Variants in RGS7 observed in about 807,000 individuals in gnomAD.
RGS7 encodes regulator of G-protein signaling 7.
In RGS7, 27 loss-of-function variants were observed where a neutral mutation model predicts 81.1. The ratio of observed to expected loss-of-function variants is 0.33; its 90% CI spans 0.25 to 0.46. The LOEUF (loss-of-function observed/expected upper bound fraction) is 0.46, where lower values mean the gene tolerates loss of function less well. Ranked by LOEUF, RGS7 falls within the 20% of genes least tolerant of loss-of-function variation. The pLI is 1.00. For missense variants in RGS7, 396 were observed against 607.4 expected, an observed-to-expected ratio of 0.65 and a Z score of 3.66; for synonymous variants, 208 against 207.7, an observed-to-expected ratio of 1.00 and a Z score of -0.01.
chr1:241,063,875 C>T (rs149831268), intron 3 of RGS7, among the ~76,000 whole-genome samples: 2 of 152,218 alleles, frequency 1.3e-5, no homozygotes, highest in Non-Finnish European at 2.9e-5. Flanking sequence ...AAACTAACGA[C>T]ACTGCCACAT....
chr1:240,981,169 G>C (rs929864034), intron 4 of RGS7, among the ~76,000 whole-genome samples: 4 of 152,086 alleles, frequency 2.6e-5, no homozygotes, highest in Non-Finnish European at 4.4e-5. Flanking sequence ...GAGTGCAGTG[G>C]TGTGATTTTG....
intron 2 of RGS7, among the ~76,000 whole-genome samples, chr1:241,321,353 T>C (rs2081199320): frequency 6.6e-6 from 1 of 151,770 alleles, no homozygotes; most frequent in Non-Finnish European, 1.5e-5. Context: ...GCACAAGCAG[T>C]TTTTTTTATC....
chr1:241,180,149 CG>C (rs1205311825), intron 2 of RGS7, among the ~76,000 whole-genome samples: 7 of 151,986 alleles, frequency 4.6e-5, no homozygotes, highest in Non-Finnish European at 1.0e-4. Flanking sequence ...CCGAGGCAGG[CG>C]GATCACGAGG....
intron 2 of RGS7, among the ~76,000 whole-genome samples, chr1:241,204,171 CCATT>C (rs1222431558): frequency 6.6e-6 from 1 of 152,090 alleles, no homozygotes; most frequent in Non-Finnish European, 1.5e-5. Context: ...AGGGATGGAA[CCATT>C]TATGGTGAAA....
chr1:241,270,560 C>T (rs1411049771), intron 2 of RGS7, among the ~76,000 whole-genome samples: 2 of 152,178 alleles, frequency 1.3e-5, no homozygotes, highest in Non-Finnish European at 2.9e-5. Flanking sequence ...TTTTCTCCAT[C>T]CTGATGTCCT....
chr1:240,879,623 G>A (rs1253514318), intron 6 of RGS7, among the ~76,000 whole-genome samples: 1 of 152,168 alleles, frequency 6.6e-6, no homozygotes, highest in East Asian at 1.9e-4. Flanking sequence ...ACTGGAAAGT[G>A]ACAAAACTTG....
chr1:241,042,390 T>C (rs774614924), intron 3 of RGS7, among the ~76,000 whole-genome samples: 2 of 152,208 alleles, frequency 1.3e-5, no homozygotes, highest in Non-Finnish European at 2.9e-5. Context: ...CTTCCTATAA[T>C]TTATTTTGAT....
intron 2 of RGS7, among the ~76,000 whole-genome samples, chr1:241,161,923 G>A (rs2069722107): frequency 6.6e-6 from 1 of 151,924 alleles, no homozygotes; most frequent in African/African-American, 2.4e-5. Flanking sequence ...CATCACCTTG[G>A]TCAGGCTGGT....
chr1:241,119,013 C>T (rs935345416), intron 2 of RGS7, among the ~76,000 whole-genome samples: 10 of 152,014 alleles, frequency 6.6e-5, no homozygotes, highest in Admixed American at 3.9e-4. Flanking sequence ...AACAAACATG[C>T]ACATGCTCCC....
At chr1:241,172,316 G>A (rs989616210) in intron 2 of RGS7, among the ~76,000 whole-genome samples, 20 of 151,990 alleles carry the variant, frequency 1.3e-4, no homozygotes, top group African/African-American at 4.4e-4. Flanking sequence ...TGAACACACC[G>A]ACTTGGATGA....
At chr1:241,057,943 T>C (rs559053281) in intron 3 of RGS7, among the ~76,000 whole-genome samples, 9 of 152,246 alleles carry the variant, frequency 5.9e-5, no homozygotes, top group African/African-American at 9.6e-5. Flanking sequence ...AGTAGGTAGA[T>C]AGTCAGGCAT....
chr1:240,977,784 T>C (rs575955407), intron 4 of RGS7, among the ~76,000 whole-genome samples: 1 of 152,276 alleles, frequency 6.6e-6, no homozygotes, highest in East Asian at 1.9e-4. Flanking sequence ...CTGTAGTACA[T>C]CAACAGTACC....
intron 9 of RGS7, among the ~76,000 whole-genome samples, chr1:240,855,358 T>C (rs2147951553): frequency 7.1e-6 from 1 of 141,360 alleles, no homozygotes; most frequent in African/African-American, 2.7e-5. Context: ...GAAGAAATTA[T>C]CTAAATTTCT....
At chr1:240,958,222 T>C (rs920506930) in intron 4 of RGS7, among the ~76,000 whole-genome samples, 1 of 152,198 alleles carries the variant, frequency 6.6e-6, no homozygotes, top group Non-Finnish European at 1.5e-5. Flanking sequence ...AGTGGGAAAG[T>C]GGCAAAACAA....
At chr1:241,065,215 ATATAT>A (rs2061991603) in intron 3 of RGS7, among the ~76,000 whole-genome samples, 2 of 142,266 alleles carry the variant, frequency 1.4e-5, no homozygotes, top group African/African-American at 5.7e-5. Flanking sequence ...AGAGATATAT[ATATAT>A]TATCTTTTAA....
chr1:241,033,634 T>A (rs1273136662), intron 3 of RGS7, among the ~76,000 whole-genome samples: 3 of 152,120 alleles, frequency 2.0e-5, no homozygotes, highest in Non-Finnish European at 2.9e-5. Flanking sequence ...GTCCTTTCAT[T>A]TAATATGTTA....
intron 6 of RGS7, among the ~76,000 whole-genome samples, chr1:240,907,605 G>T (rs950174934): frequency 6.6e-6 from 1 of 152,154 alleles, no homozygotes; most frequent in Non-Finnish European, 1.5e-5. Context: ...ACAAAAAGCT[G>T]TTCCCCAACA....
At chr1:241,135,215 A>G (rs1025950719) in intron 2 of RGS7, among the ~76,000 whole-genome samples, 3 of 152,140 alleles carry the variant, frequency 2.0e-5, no homozygotes, top group African/African-American at 7.2e-5. Context: ...TCACGAGGTC[A>G]GGAGATGGAG....
rs1191095557 is a variant in RGS7, at chr1:241,144,350, A to T, written c.79-45588T>A. Among the ~76,000 whole-genome samples, 2 of 152,166 alleles carry T rather than the reference A, an allele frequency of 1.3e-5. No homozygotes were observed. Among genetic ancestry groups the T allele is most frequent in the Admixed American group, 6.5e-5 (1 of 15,270 alleles). On this transcript the variant is annotated intron_variant, in intron 2 of 18. Coordinates refer to ENST00000440928, the MANE Select transcript of RGS7 (RefSeq NM_001364886.1). The surrounding 1 kb of genome is among the most constrained non-coding windows in gnomAD (Gnocchi z 4.7). ...CATGTGGATACGCACAGGCACACAC[A>T]TCCAAATACACTGCAGGTAAGACCC...
Sources: gnomAD v4.1 joint callset for allele counts (sites outside exome capture counted in the v4.1 genomes callset) on GRCh38, gnomAD v4.1.1 for gene constraint, Gnocchi (gnomAD v3.1) non-coding constraint, MANE v1.5 for transcripts, NCBI Gene and HGNC (gene_info 2026-07-23, HGNC 2026-07-21) for gene names.